The following PCDHGA5 variants were observed in gnomAD, a reference collection of about 807,000 sequenced individuals.
PCDHGA5 encodes protocadherin gamma subfamily A, 5.
A neutral mutation model predicts 56.7 loss-of-function variants in PCDHGA5; 36 were observed. That is an observed-to-expected ratio of 0.64 (90% CI 0.49 to 0.84). The LOEUF (loss-of-function observed/expected upper bound fraction) is 0.84, where lower values mean the gene tolerates loss of function less well. Ranked by LOEUF, PCDHGA5 falls within the 40% of genes least tolerant of loss-of-function variation. PCDHGA5 has a pLI of 0.00. For missense variants in PCDHGA5, 1,305 were observed against 1,201.5 expected (o/e 1.09, Z -1.27); for synonymous variants, 563 against 520.2 (o/e 1.08, Z -1.12).
At chr5:141,372,930 T>C (rs1381737731) in intron 1 of PCDHGA5, 2 of 884,806 alleles carry the variant, frequency 2.3e-6, no homozygotes, top group East Asian at 2.7e-5. Flanking sequence ...TTTTCTGGTG[T>C]AGAGTAGGGT....
In PCDHGA5 at chr5:141,384,747, C is replaced by G. The variant is rs755356826; in HGVS notation, c.2421+17996C>G. 28 of 1,613,942 alleles carry G rather than the reference C, an allele frequency of 1.7e-5. No homozygotes were observed. The South Asian group carries it at 3.0e-4, about 17-fold the overall frequency. The stretch of plus-strand genomic sequence containing the variant: ...TGCTTAAGGCCAGCGAGCCAGGACT[C>G]TTTGCGGTTGGGCTGTACACGGGCG... On this transcript the variant is annotated intron_variant, in intron 1 of 3. Transcript: ENST00000518069.
intron 1 of PCDHGA5, chr5:141,430,625 G>T: frequency 1.3e-6 from 1 of 788,104 alleles, no homozygotes; most frequent in Non-Finnish European, 1.9e-6. Context: ...AGCTAGGAAT[G>T]AACCATCCCT....
In PCDHGA5 at chr5:141,366,878, A is replaced by AT. The variant is rs994289295; in HGVS notation, c.2421+135dup. ...ACATTATTTGCTGTATTGGAGATTAATTTTTTTTATATAATTCATGCTTTC... is the reference window on the plus strand; with the variant it reads ...ACATTATTTGCTGTATTGGAGATTAATTTTTTTTTATATAATTCATGCTTTC... On this transcript the variant is annotated intron_variant, in intron 1 of 3. Coordinates refer to ENST00000518069, the MANE Select transcript of PCDHGA5 (RefSeq NM_018918.3). 4.5e-5 allele frequency: 61 copies of AT among 1,341,282 alleles called. No individual in the cohort carries two copies. The Admixed American group carries it at 4.7e-4, about 10-fold the overall frequency. 83.1% of individuals were successfully genotyped at this position (1,341,282 alleles called of 1,614,324 possible).
chr5:141,419,644 CG>C (rs1418985518), intron 1 of PCDHGA5: 2 of 1,612,396 alleles, frequency 1.2e-6, no homozygotes, highest in Non-Finnish European at 1.7e-6. Flanking sequence ...TGGCCGTGGA[CG>C]CGGACTCGGG....
intron 1 of PCDHGA5, chr5:141,398,645 C>T (rs932721053): frequency 6.2e-7 from 1 of 1,613,936 alleles, no homozygotes; most frequent in African/African-American, 1.3e-5. Flanking sequence ...TATAAACTCT[C>T]TCTTAACCCA....
intron 1 of PCDHGA5, chr5:141,441,551 T>C (rs2098254450): frequency 5.4e-6 from 1 of 184,050 alleles, no homozygotes; most frequent in African/African-American, 2.4e-5. Flanking sequence ...GCCTCCATAG[T>C]GTGCAAGTAG....
At position 141,410,475 on chromosome 5, in the gene PCDHGA5, A is replaced by G. The variant is rs185995562; in HGVS notation, c.2421+43724A>G. ...TATTCTTATAATCTGTGCATTGCAC[A>G]TACGGGTACAAAAGAGTTTAATTTC... is the stretch of plus-strand genomic sequence containing the variant. On this transcript the variant is annotated intron_variant, in intron 1 of 3. Transcript: ENST00000518069. The G allele has an allele frequency of 3.7e-6, 6 of 1,614,052 alleles. No homozygotes were observed. In the South Asian group the frequency reaches 6.6e-5, roughly 18 times the overall value.
At chr5:141,395,543 TGTGTGTG>T in intron 1 of PCDHGA5, 1 of 8,204 alleles carries the variant, frequency 1.2e-4, no homozygotes, top group Non-Finnish European at 2.0e-4. Context: ...TGCTATTGTT[TGTGTGTG>T]TGTGTGTGTG....
intron 1 of PCDHGA5, chr5:141,418,910 T>C: frequency 6.2e-7 from 1 of 1,613,936 alleles, no homozygotes; most frequent in East Asian, 2.2e-5. Flanking sequence ...AATCATCACG[T>C]CACTCTCTGA....
At chr5:141,415,937 C>T (rs939831077) in intron 1 of PCDHGA5, 8 of 587,822 alleles carry the variant, frequency 1.4e-5, no homozygotes, top group Non-Finnish European at 2.0e-5. Context: ...TATATTTCCT[C>T]CTGGGTGGTC....
At chr5:141,389,089 T>G in intron 1 of PCDHGA5, 1 of 1,613,978 alleles carries the variant, frequency 6.2e-7, no homozygotes, top group East Asian at 2.2e-5. Flanking sequence ...ACGTATAAAT[T>G]AGTGACAGAT....
chr5:141,462,883 A>T (rs557432183), intron 1 of PCDHGA5, among the ~76,000 whole-genome samples: 9 of 152,230 alleles, frequency 5.9e-5, no homozygotes, highest in African/African-American at 2.2e-4. Context: ...GAACTATTGC[A>T]GTTTGTTTTG....
intron 1 of PCDHGA5, chr5:141,421,516 T>C (rs199973694): frequency 6.8e-6 from 11 of 1,614,064 alleles, no homozygotes; most frequent in Non-Finnish European, 9.3e-6. Context: ...GGAGGAGCTC[T>C]GTGAGACGGT....
rs74964649 is a variant in PCDHGA5 at position 141,370,417 on chromosome 5, G to A, written c.2421+3666G>A. On this transcript the variant is annotated intron_variant, in intron 1 of 3. Transcript: ENST00000518069. Reference sequence around the variant, plus strand: ...GGGATGGGAAATAGCTCCGGATGGAGGGGCCCAGCAGGGCAGAGGCGAATG... The same window carrying A: ...GGGATGGGAAATAGCTCCGGATGGAAGGGCCCAGCAGGGCAGAGGCGAATG... 7.3e-4 allele frequency: 1,146 copies of A among 1,570,760 alleles called. 10 individuals are homozygous for A. In the African/African-American group the frequency reaches 0.014, roughly 19 times the overall value.
chr5:141,480,599 C>A (rs1202373543), intron 1 of PCDHGA5, among the ~76,000 whole-genome samples: 1 of 141,438 alleles, frequency 7.1e-6, no homozygotes, highest in East Asian at 1.9e-4. Flanking sequence ...TCTGGTCAGC[C>A]TGGAAAGCAA....
At chr5:141,372,966 C>T (rs1024382365) in intron 1 of PCDHGA5, 3 of 687,330 alleles carry the variant, frequency 4.4e-6, no homozygotes, top group Non-Finnish European at 7.0e-6. Context: ...TGTAGAATTT[C>T]CTGTAGAATA....
chr5:141,374,303 C>G (rs373167574), intron 1 of PCDHGA5: 2 of 1,613,938 alleles, frequency 1.2e-6, no homozygotes, highest in Admixed American at 1.7e-5. Context: ...TAGGATGCAG[C>G]TTTTCTCTCT....
Position 141,489,119 on chromosome 5 carries a change from C to T in PCDHGA5, c.2422-5688C>T, listed in dbSNP as rs1236074950. The T allele has an allele frequency of 2.0e-5, 13 of 650,240 alleles. No individual in the cohort carries two copies. Among genetic ancestry groups the T allele is most frequent in the African/African-American group, 9.1e-5 (5 of 55,178 alleles). 40.3% of individuals were successfully genotyped at this position (650,240 alleles called of 1,614,324 possible). ...GAACTGCTGCAAGCAGGCAAACCTC[C>T]GAGCAGTTTTTAAGAGGCTGGAAGG... On this transcript the variant is annotated intron_variant, in intron 1 of 3. Coordinates refer to ENST00000518069, the MANE Select transcript of PCDHGA5 (RefSeq NM_018918.3). This position sits in a 1 kb window ranked among gnomAD's most constrained non-coding sequence, Gnocchi z 4.5.
At chr5:141,438,396 ACT>A (rs2097958956) in intron 1 of PCDHGA5, among the ~76,000 whole-genome samples, 2 of 150,930 alleles carry the variant, frequency 1.3e-5, no homozygotes, top group African/African-American at 4.9e-5. Context: ...TTCATCATTA[ACT>A]CTCTGAAGTA....
Sources: allele counts gnomAD v4.1 joint callset (sites outside exome capture counted in the v4.1 genomes callset), GRCh38; gene constraint gnomAD v4.1.1; non-coding constraint Gnocchi (gnomAD v3.1); transcripts MANE v1.5; gene names NCBI Gene and HGNC (gene_info 2026-07-23, HGNC 2026-07-21).